The following LANCL2 variants were observed in gnomAD, a reference collection of about 807,000 sequenced individuals.
LANCL2 encodes the protein LanC like glutathione S-transferase 2, also known as lanC-like protein 2.
In LANCL2, 33 loss-of-function variants were observed where a neutral mutation model predicts 56.9. The observed-to-expected ratio is 0.58, with a 90% CI of 0.44 to 0.78. LANCL2 has a LOEUF of 0.78. Among genes scored for constraint, LANCL2 ranks in the 30% least tolerant of loss-of-function variants. LANCL2 has a pLI of 0.00. For synonymous variants in LANCL2, 233 were observed against 228.2 expected, an observed-to-expected ratio of 1.02 and a Z score of -0.19; for missense variants, 562 against 580.2, an observed-to-expected ratio of 0.97 and a Z score of 0.32.
intron 1 of LANCL2, among the ~76,000 whole-genome samples, chr7:55,368,880 C>T (rs1032469090): frequency 9.9e-5 from 15 of 152,154 alleles, no homozygotes; most frequent in African/African-American, 3.6e-4. Context: ...TATGATGGCT[C>T]ATGCCTGTAA....
intron 1 of LANCL2, chr7:55,379,750 A>G (rs917382651): frequency 6.5e-6 from 1 of 152,696 alleles, no homozygotes; most frequent in Non-Finnish European, 1.5e-5. Flanking sequence ...TTTTTGGTGC[A>G]TTCAGTAACA....
rs2128993625 is a variant in LANCL2, at chr7:55,399,966, G to T, written c.540G>T (p.Gln180His). Residue 180 changes from glutamine to histidine, a missense_variant, in exon 4 of 9, where the codon CAG (glutamine) becomes CAT (histidine). Physicochemically the swap from Gln to His is conservative, Grantham distance 24. Coordinates refer to ENST00000254770, the MANE Select transcript of LANCL2 (RefSeq NM_018697.4). ...TTTTCTTATTGGTTAGACTTTTGCAGCTCCAGAGATCGGTTGTCTGCCAAG... is the reference window on the plus strand; with the variant it reads ...TTTTCTTATTGGTTAGACTTTTGCATCTCCAGAGATCGGTTGTCTGCCAAG... ...ESQECVTKLL[Q>H]LQRSVVCQES... The T allele has an allele frequency of 1.2e-6, 2 of 1,611,002 alleles. No individual in the cohort carries two copies. Among genetic ancestry groups the T allele is most frequent in the East Asian group, 2.2e-5 (1 of 44,824 alleles).
At chr7:55,383,086 G>A (rs928581990) in intron 1 of LANCL2, among the ~76,000 whole-genome samples, 13 of 152,284 alleles carry the variant, frequency 8.5e-5, no homozygotes, top group East Asian at 3.9e-4. Flanking sequence ...GCAAAACCCC[G>A]TCTCTACTAA....
chr7:55,397,397 G>C (rs1275080575), intron 2 of LANCL2, among the ~76,000 whole-genome samples: 2 of 149,996 alleles, frequency 1.3e-5, no homozygotes, highest in Non-Finnish European at 2.9e-5. Flanking sequence ...GGAGGCAGAG[G>C]TTGCAGTGAG....
chr7:55,426,565 C>G (rs929706341), intron 7 of LANCL2, among the ~76,000 whole-genome samples: 2 of 152,220 alleles, frequency 1.3e-5, no homozygotes, highest in African/African-American at 4.8e-5. Flanking sequence ...GCACACACAT[C>G]TGTGGCTCCC....
At chr7:55,402,119 C>T (rs1203308099) in intron 5 of LANCL2, among the ~76,000 whole-genome samples, 31 of 138,984 alleles carry the variant, frequency 2.2e-4, no homozygotes, top group East Asian at 9.0e-4. Flanking sequence ...TAGGGGCGGC[C>T]GGGCAGAGGC....
In LANCL2 at chr7:55,431,512, T is replaced by C. The variant is rs866869149; in HGVS notation, c.*192T>C. ...ACAGCACCCTCATCAATATAAAATA[T>C]GACTTCTTCACATACAGATTCTCTG... On this transcript the variant is annotated 3_prime_UTR_variant, in exon 9 of 9. Transcript: ENST00000254770. The C allele has an allele frequency of 6.8e-5, 37 of 547,550 alleles. No individual in the cohort carries two copies. In the Middle Eastern group the frequency reaches 2.8e-3, roughly 42 times the overall value. The allele number at this position is 547,550 out of a possible 1,614,324, so 33.9% of individuals were successfully genotyped here. A position where few individuals can be genotyped will look rare whatever the true frequency, so the allele number is the denominator to read the frequency against.
chr7:55,405,357 G>A (rs1039448388), intron 5 of LANCL2, among the ~76,000 whole-genome samples: 4 of 152,112 alleles, frequency 2.6e-5, no homozygotes, highest in Admixed American at 6.5e-5. Context: ...AGTCCACACC[G>A]TTCAATGCTA....
intron 1 of LANCL2, among the ~76,000 whole-genome samples, chr7:55,376,929 C>T (rs911200836): frequency 3.1e-4 from 47 of 152,140 alleles, no homozygotes; most frequent in African/African-American, 1.0e-3. Flanking sequence ...TTATTTCTTT[C>T]TTCCTCACCT....
chr7:55,403,873 C>T (rs992480075), intron 5 of LANCL2, among the ~76,000 whole-genome samples: 3 of 152,008 alleles, frequency 2.0e-5, no homozygotes, highest in Non-Finnish European at 4.4e-5. Context: ...CCTGGCTTGC[C>T]CACCCTTTTC....
At chr7:55,384,942 T>A (rs1790108265) in intron 1 of LANCL2, among the ~76,000 whole-genome samples, 1 of 152,192 alleles carries the variant, frequency 6.6e-6, no homozygotes, top group Non-Finnish European at 1.5e-5. Context: ...ATCCCAGCAC[T>A]TTGTGGGGCA....
At chr7:55,391,758 G>A in intron 1 of LANCL2, 35 bp from the exon 2 acceptor site, 1 of 1,113,874 alleles carries the variant, frequency 9.0e-7, no homozygotes, top group Non-Finnish European at 1.4e-6. Context: ...TCCCATTCTT[G>A]TGAAGTTAAA....
chr7:55,422,055 A>C (rs815971), intron 6 of LANCL2, among the ~76,000 whole-genome samples: 110,084 of 152,072 alleles, frequency 0.72, 40,377 homozygotes, highest in African/African-American at 0.83. Flanking sequence ...CTTTAAATAG[A>C]CCTGCATATT....
intron 1 of LANCL2, among the ~76,000 whole-genome samples, chr7:55,369,989 C>T (rs1307306760): frequency 6.6e-6 from 1 of 152,196 alleles, no homozygotes; most frequent in Admixed American, 6.5e-5. Context: ...CACTTACGAT[C>T]TCATGCAGTG....
At chr7:55,397,656 C>CTTTTTTTTTTTTT (rs10659615) in intron 2 of LANCL2, among the ~76,000 whole-genome samples, 42 of 108,792 alleles carry the variant, frequency 3.9e-4, no homozygotes, top group Middle Eastern at 6.6e-3. Flanking sequence ...TATACTGATT[C>CTTTTTTTTTTTTT]TTTTTTTTTT....
At chr7:55,387,107 A>G (rs1390872730) in intron 1 of LANCL2, among the ~76,000 whole-genome samples, 2 of 152,108 alleles carry the variant, frequency 1.3e-5, no homozygotes, top group African/African-American at 2.4e-5. Flanking sequence ...CTTTTTTTGG[A>G]GGGGTGTCCA....
Position 55,366,091 on chromosome 7 carries a change from G to C in LANCL2, c.66G>C (p.Arg22=), listed in dbSNP as rs763884949. Residue 22 remains arginine (R), a synonymous_variant, in exon 1 of 9, where the codon CGG becomes CGC. Coordinates refer to ENST00000254770, the MANE Select transcript of LANCL2 (RefSeq NM_018697.4). ...GAGGGGAGGCAGAAATGGAGGAACG[G>C]GCGTTCGTCAACCCCTTCCCGGACT... ...HLGGEAEMEE[R]AFVNPFPDYE... The C allele has an allele frequency of 6.5e-7, 1 of 1,536,396 alleles. No homozygotes were observed.
At chr7:55,397,943 A>G (rs931841867) in intron 2 of LANCL2, among the ~76,000 whole-genome samples, 4 of 152,156 alleles carry the variant, frequency 2.6e-5, no homozygotes, top group African/African-American at 9.7e-5. Flanking sequence ...AGAACATTGA[A>G]AAATTGGGAA....
At position 55,431,573 on chromosome 7, in the gene LANCL2, A is replaced by C. The variant is rs1790727564; in HGVS notation, c.*253A>C. 2.4e-6 allele frequency: 1 copy of C among 411,654 alleles called. No homozygotes were observed. The highest frequency in any genetic ancestry group is 4.3e-6 in the Non-Finnish European group (1 of 231,032). The allele number at this position is 411,654 out of a possible 1,614,324, so 25.5% of individuals were successfully genotyped here. On this transcript the variant is annotated 3_prime_UTR_variant, in exon 9 of 9. Transcript: ENST00000254770. ...ATGTTTCTTGGTGTTTGTTGTCTCC[A>C]GGTGTAAGCTGTTTTAAATGGAAGG...
Sources: allele counts gnomAD v4.1 joint callset (sites outside exome capture counted in the v4.1 genomes callset), GRCh38; gene constraint gnomAD v4.1.1; transcripts MANE v1.5; gene names NCBI Gene and HGNC (gene_info 2026-07-23, HGNC 2026-07-21).